Variants in ME3 observed in about 807,000 individuals in gnomAD.
The protein encoded by ME3 is malic enzyme 3.
Under a neutral mutation model 68.9 loss-of-function variants are expected in ME3, and 48 were observed. The ratio of observed to expected loss-of-function variants is 0.70; its 90% CI spans 0.55 to 0.89. ME3 has a LOEUF of 0.89. ME3 is among the 40% of genes least tolerant of loss of function. The pLI, the probability that ME3 is intolerant of heterozygous loss-of-function variation, is 0.00. For missense variants in ME3, 675 were observed against 797.4 expected (o/e 0.85, Z 1.85); for synonymous variants, 320 against 318.8 (o/e 1.00, Z -0.04).
chr11:86,612,731 A>G (rs569560801), intron 2 of ME3, among the ~76,000 whole-genome samples: 1 of 152,218 alleles, frequency 6.6e-6, no homozygotes, highest in South Asian at 2.1e-4. Context: ...GTGTCTGTTC[A>G]TATCCTTTGC....
intron 2 of ME3, among the ~76,000 whole-genome samples, chr11:86,669,043 C>T (rs975119480): frequency 6.6e-6 from 1 of 152,244 alleles, no homozygotes; most frequent in Non-Finnish European, 1.5e-5. Context: ...ACTATCTTCC[C>T]ACCTGGCTGA....
chr11:86,644,774 T>C (rs903080185), intron 2 of ME3, among the ~76,000 whole-genome samples: 5 of 152,214 alleles, frequency 3.3e-5, no homozygotes, highest in Non-Finnish European at 7.3e-5. Context: ...CCAGGCAAGA[T>C]GGTCAAATAG....
chr11:86,436,139 C>T (rs970426482), downstream of ME3: 1 of 152,112 alleles, frequency 6.6e-6, no homozygotes, highest in African/African-American at 2.4e-5. Flanking sequence ...GGGAACTCTC[C>T]CTTAATCTAA....
At chr11:86,561,691 A>T (rs1365195180) in intron 2 of ME3, among the ~76,000 whole-genome samples, 1 of 152,222 alleles carries the variant, frequency 6.6e-6, no homozygotes, top group Non-Finnish European at 1.5e-5. Flanking sequence ...TAGCAGTTTC[A>T]AAATGGTTAA....
At chr11:86,666,253 C>T (rs1007427196) in intron 2 of ME3, among the ~76,000 whole-genome samples, 1 of 152,158 alleles carries the variant, frequency 6.6e-6, no homozygotes, top group South Asian at 2.1e-4. Flanking sequence ...AAGTTGTGCC[C>T]TTAAAAGGGA....
At chr11:86,583,362 C>G (rs1339360322) in intron 2 of ME3, among the ~76,000 whole-genome samples, 2 of 152,046 alleles carry the variant, frequency 1.3e-5, no homozygotes, top group Non-Finnish European at 2.9e-5. Context: ...TACTTTTGCA[C>G]CAACCGAATA....
chr11:86,483,941 A>G (rs1426104784), intron 7 of ME3, among the ~76,000 whole-genome samples: 1 of 152,232 alleles, frequency 6.6e-6, no homozygotes, highest in Non-Finnish European at 1.5e-5. Flanking sequence ...CCCGGGTACA[A>G]TGCACCCATC....
intron 4 of ME3, among the ~76,000 whole-genome samples, chr11:86,542,925 A>G (rs1253631398): frequency 1.3e-5 from 2 of 152,258 alleles, no homozygotes; most frequent in African/African-American, 4.8e-5. Flanking sequence ...TTACCCATAA[A>G]GGGAAGCCCA....
At chr11:86,637,199 G>T (rs940765674) in intron 2 of ME3, among the ~76,000 whole-genome samples, 3 of 152,140 alleles carry the variant, frequency 2.0e-5, no homozygotes, top group Non-Finnish European at 4.4e-5. Context: ...AACTCATTCA[G>T]TTAACAAATA....
chr11:86,613,900 A>G (rs1942772407), intron 2 of ME3, among the ~76,000 whole-genome samples: 1 of 152,228 alleles, frequency 6.6e-6, no homozygotes, highest in African/African-American at 2.4e-5. Flanking sequence ...TGCCTAAAGT[A>G]ATTCATGGAT....
At chr11:86,547,395 CTG>C (rs1956427135) in intron 4 of ME3, among the ~76,000 whole-genome samples, 3 of 151,278 alleles carry the variant, frequency 2.0e-5, no homozygotes, top group Non-Finnish European at 2.9e-5. Flanking sequence ...AAACCAAACA[CTG>C]CATGTTCTCA....
chr11:86,540,892 G>A (rs544052498), intron 4 of ME3, among the ~76,000 whole-genome samples: 65 of 152,298 alleles, frequency 4.3e-4, no homozygotes, highest in African/African-American at 1.6e-3. Context: ...CTCCCAGTGA[G>A]ATCAATGCAG....
chr11:86,587,392 T>G (rs1348985283), intron 2 of ME3, among the ~76,000 whole-genome samples: 1 of 152,180 alleles, frequency 6.6e-6, no homozygotes, highest in Non-Finnish European at 1.5e-5. Context: ...GCCTTGTGGC[T>G]TAGGGATGGG....
intron 2 of ME3, among the ~76,000 whole-genome samples, chr11:86,602,492 G>A (rs1455947300): frequency 2.6e-5 from 4 of 152,174 alleles, no homozygotes; most frequent in African/African-American, 7.2e-5. Flanking sequence ...ATGCTCATGG[G>A]TAGGAAGAAT....
At chr11:86,639,515 GA>G in intron 2 of ME3, among the ~76,000 whole-genome samples, 1 of 141,380 alleles carries the variant, frequency 7.1e-6, no homozygotes, top group South Asian at 2.1e-4. Flanking sequence ...GATATAAAAT[GA>G]TGCCTTCCAA....
chr11:86,446,225 G>C, intron 13 of ME3, 89 bp downstream of exon 13: 4 of 1,452,894 alleles, frequency 2.8e-6, no homozygotes, highest in South Asian at 1.2e-5. Flanking sequence ...GGGCAGATGG[G>C]CAGAAGAGAT....
At chr11:86,508,801 G>T in exon 5 of ME3, 1 of 1,611,306 alleles carries the variant, frequency 6.2e-7, no homozygotes, top group East Asian at 2.2e-5. Context: ...CCTTAATATT[G>T]TCTTCTGGCC....
chr11:86,661,481 T>G (rs1946274350), intron 2 of ME3, among the ~76,000 whole-genome samples: 8 of 152,336 alleles, frequency 5.3e-5, no homozygotes, highest in Admixed American at 4.6e-4. Context: ...CATGATATTA[T>G]TTAGCTTTCT....
rs141886566 is a variant in ME3, at chr11:86,656,800, A to T, written c.183+14962T>A. Among the ~76,000 whole-genome samples the T allele has an allele frequency of 8.7e-3, 1,330 of 152,236 alleles. 26 individuals are homozygous for T. Among genetic ancestry groups the T allele is most frequent in the African/African-American group, 0.03 (1,244 of 41,542 alleles). Reference sequence around the variant, plus strand: ...CAAATAACCCCATCAAAAAGTGGGTAAAGGATATGAACAGACACTTCTCTA... The same window carrying T: ...CAAATAACCCCATCAAAAAGTGGGTTAAGGATATGAACAGACACTTCTCTA... On this transcript the variant is annotated intron_variant, in intron 2 of 14. Coordinates refer to ENST00000543262, the Ensembl canonical transcript of ME3.
Sources: allele counts gnomAD v4.1 joint callset (sites outside exome capture counted in the v4.1 genomes callset), GRCh38; gene constraint gnomAD v4.1.1; transcripts MANE v1.5; gene names NCBI Gene and HGNC (gene_info 2026-07-23, HGNC 2026-07-21).